ZFPM2: variants seen among roughly 807,000 people sequenced by gnomAD.
ZFPM2 encodes the protein zinc finger protein, FOG family member 2.
Under a neutral mutation model 98.6 loss-of-function variants are expected in ZFPM2, and 20 were observed. The observed-to-expected ratio is 0.20, with a 90% CI of 0.14 to 0.29. The LOEUF (loss-of-function observed/expected upper bound fraction) is 0.29, where lower values mean the gene tolerates loss of function less well. ZFPM2 is among the 10% of genes least tolerant of loss of function. The pLI is 1.00. For synonymous variants in ZFPM2, 518 were observed against 502.7 expected, an observed-to-expected ratio of 1.03 and a Z score of -0.41; for missense variants, 1,310 against 1,388.6, an observed-to-expected ratio of 0.94 and a Z score of 0.90.
rs200639878 is a variant in ZFPM2, at chr8:105,456,146, G to GTTT, written c.301+11772_301+11774dup. ...AGAAGATGGGGAAAACCAGGAAAAT[G>GTTT]TTTTTTTTTGTTTGTTTGTTTGTTT... is the stretch of plus-strand genomic sequence containing the variant. On this transcript the variant is annotated intron_variant, in intron 3 of 7. Coordinates refer to ENST00000407775, the MANE Select transcript of ZFPM2 (RefSeq NM_012082.4). Among the ~76,000 whole-genome samples the GTTT allele has an allele frequency of 9.9e-4, 92 of 93,318 alleles. 9 individuals carry two copies. The South Asian group carries it at 0.013, about 13-fold the overall frequency. 61.2% of individuals were successfully genotyped at this position (93,318 alleles called of 152,430 possible).
intron 1 of ZFPM2, among the ~76,000 whole-genome samples, chr8:105,370,479 T>G (rs1810599477): frequency 6.6e-6 from 1 of 152,244 alleles, no homozygotes; most frequent in African/African-American, 2.4e-5. Flanking sequence ...CTACATAAAC[T>G]TTATAAATGA....
chr8:105,419,760 G>A (rs1234332316), intron 2 of ZFPM2, among the ~76,000 whole-genome samples: 1 of 152,026 alleles, frequency 6.6e-6, no homozygotes, highest in African/African-American at 2.4e-5. Context: ...GACTTTCAAC[G>A]GTGAGGATGG....
chr8:105,381,733 T>G (rs1810893842), intron 1 of ZFPM2, among the ~76,000 whole-genome samples: 1 of 152,148 alleles, frequency 6.6e-6, no homozygotes, highest in African/African-American at 2.4e-5. Flanking sequence ...TATGAATATT[T>G]TCCCCAAAGA....
intron 5 of ZFPM2, among the ~76,000 whole-genome samples, chr8:105,700,364 G>A (rs2130955597): frequency 6.6e-6 from 1 of 152,256 alleles, no homozygotes; most frequent in South Asian, 2.1e-4. Flanking sequence ...TCCACATTTA[G>A]AAATACGTAT....
At chr8:105,447,808 G>A (rs1421691143) in intron 3 of ZFPM2, among the ~76,000 whole-genome samples, 3 of 151,988 alleles carry the variant, frequency 2.0e-5, no homozygotes, top group African/African-American at 7.2e-5. Context: ...TTTCTTGATG[G>A]CTGAATTAAA....
At chr8:105,430,874 C>G (rs1469739731) in intron 2 of ZFPM2, among the ~76,000 whole-genome samples, 1 of 145,746 alleles carries the variant, frequency 6.9e-6, no homozygotes, top group Non-Finnish European at 1.5e-5. Context: ...CCACAGGACT[C>G]TTTGGCTTGT....
In ZFPM2 at chr8:105,330,561, TATATATAC is replaced by T. The variant is rs1391663898; in HGVS notation, c.40+11588_40+11595del. Among the ~76,000 whole-genome samples, 183 of 77,088 alleles carry T rather than the reference TATATATAC, an allele frequency of 2.4e-3. 1 individual carries two copies. The highest frequency in any genetic ancestry group is 5.4e-3 in the Admixed American group (28 of 5,188). The allele number at this position is 77,088 out of a possible 152,430, so 50.6% of individuals were successfully genotyped here. A position where few individuals can be genotyped will look rare whatever the true frequency, so the allele number is the denominator to read the frequency against. Reference sequence around the variant, plus strand: ...CTCTATATATATATATACATATATATATATATACATATATATATACATATATATATATA... The same window carrying T: ...CTCTATATATATATATACATATATATATATATATATACATATATATATATA... On this transcript the variant is annotated intron_variant, in intron 1 of 7. Coordinates refer to ENST00000407775, the MANE Select transcript of ZFPM2 (RefSeq NM_012082.4).
At chr8:105,519,410 A>G (rs1814004103) in intron 3 of ZFPM2, among the ~76,000 whole-genome samples, 1 of 152,158 alleles carries the variant, frequency 6.6e-6, no homozygotes, top group South Asian at 2.1e-4. Flanking sequence ...ATAATTTTAA[A>G]TTATTTGAAT....
intron 1 of ZFPM2, among the ~76,000 whole-genome samples, chr8:105,349,585 A>T (rs1563615531): frequency 6.6e-6 from 1 of 152,170 alleles, no homozygotes; most frequent in African/African-American, 2.4e-5. Context: ...AACGTAATGA[A>T]ACTTAAGATG....
chr8:105,331,748 T>C (rs1812237708), intron 1 of ZFPM2, among the ~76,000 whole-genome samples: 1 of 151,786 alleles, frequency 6.6e-6, no homozygotes, highest in Admixed American at 6.6e-5. Context: ...TTTACAGCCC[T>C]ATCAGAACTT....
chr8:105,662,592 C>A (rs1817412359), intron 5 of ZFPM2: 1 of 151,736 alleles, frequency 6.6e-6, no homozygotes, highest in African/African-American at 2.4e-5. Context: ...GATTGCATTT[C>A]TGTTTTGTCT....
chr8:105,429,314 C>T (rs140007763), intron 2 of ZFPM2, among the ~76,000 whole-genome samples: 2 of 151,544 alleles, frequency 1.3e-5, no homozygotes, highest in Admixed American at 6.6e-5. Context: ...TATATGTGGC[C>T]GTATGTGATC....
chr8:105,467,795 G>A (rs984382989), intron 3 of ZFPM2, among the ~76,000 whole-genome samples: 26 of 151,928 alleles, frequency 1.7e-4, no homozygotes, highest in African/African-American at 6.3e-4. Flanking sequence ...TCCTATGCAT[G>A]AAAATATGCT....
At chr8:105,530,454 C>T (rs1329985695) in intron 3 of ZFPM2, among the ~76,000 whole-genome samples, 2 of 152,056 alleles carry the variant, frequency 1.3e-5, no homozygotes, top group South Asian at 2.1e-4. Flanking sequence ...TTTCACAGAT[C>T]GGGAGGCTAG....
At chr8:105,553,546 C>T (rs1814912668) in intron 3 of ZFPM2, among the ~76,000 whole-genome samples, 1 of 152,120 alleles carries the variant, frequency 6.6e-6, no homozygotes, top group Non-Finnish European at 1.5e-5. Context: ...ATTTTGCCAC[C>T]ACCATTATGT....
At chr8:105,534,074 C>T (rs1327982590) in intron 3 of ZFPM2, among the ~76,000 whole-genome samples, 9 of 43,212 alleles carry the variant, frequency 2.1e-4, no homozygotes, top group Admixed American at 8.9e-4. Flanking sequence ...CTTCCTTCCT[C>T]CCTCCCATCT....
intron 3 of ZFPM2, among the ~76,000 whole-genome samples, chr8:105,546,394 TG>T (rs979718991): frequency 6.6e-6 from 1 of 151,818 alleles, no homozygotes; most frequent in African/African-American, 2.4e-5. Context: ...CTGATCAACA[TG>T]GAGAAACACC....
At chr8:105,795,246 TTGTGTGTGTGTGTG>T (rs780534248) in intron 6 of ZFPM2, among the ~76,000 whole-genome samples, 142 of 138,322 alleles carry the variant, frequency 1.0e-3, no homozygotes, top group East Asian at 1.7e-3. Context: ...CATTTTATCT[TTGTGTGTGTGTGTG>T]TGTGTGTGTG....
At chr8:105,439,657 T>G (rs796804304) in intron 2 of ZFPM2, among the ~76,000 whole-genome samples, 1 of 152,324 alleles carries the variant, frequency 6.6e-6, no homozygotes, top group African/African-American at 2.4e-5. Flanking sequence ...ATTTCCTGAA[T>G]AGTAAATTGA....
Sources: allele counts gnomAD v4.1 joint callset (sites outside exome capture counted in the v4.1 genomes callset), GRCh38; gene constraint gnomAD v4.1.1; transcripts MANE v1.5; gene names NCBI Gene and HGNC (gene_info 2026-07-23, HGNC 2026-07-21).